Variants in MEI4 observed in about 807,000 individuals in gnomAD.
The protein encoded by MEI4 is meiotic double-stranded break formation protein 4.
MEI4 carries 27 observed loss-of-function variants against 31.4 expected under a neutral mutation model. The observed-to-expected ratio is 0.86, with a 90% CI of 0.63 to 1.19. The LOEUF is 1.19. Among genes scored for constraint, MEI4 ranks in the 50% most tolerant of loss-of-function variants. MEI4 has a pLI of 0.00. For synonymous variants in MEI4, 122 were observed against 145.4 expected (o/e 0.84, Z 1.16); for missense variants, 329 against 398.9 (o/e 0.82, Z 1.49).
chr6:77,870,870 T>G (rs989070012), intron 4 of MEI4, among the ~76,000 whole-genome samples: 3 of 152,228 alleles, frequency 2.0e-5, no homozygotes, highest in Admixed American at 1.3e-4. Context: ...ACTTCTCCCT[T>G]TTAAAATGAC....
intron 2 of MEI4, among the ~76,000 whole-genome samples, chr6:77,743,676 C>A (rs894948633): frequency 6.6e-6 from 1 of 150,926 alleles, no homozygotes; most frequent in Non-Finnish European, 1.5e-5. Flanking sequence ...CAAGTGGGTC[C>A]CTGACCCCTG....
intron 4 of MEI4, among the ~76,000 whole-genome samples, chr6:77,835,373 A>ACACACACACACACAC (rs1770189280): frequency 5.9e-4 from 57 of 96,802 alleles, no homozygotes; most frequent in African/African-American, 1.8e-3. Flanking sequence ...AACAAAACAA[A>ACACACACACACACAC]ACACACACAC....
chr6:77,672,606 C>T (rs1768766509), intron 1 of MEI4, among the ~76,000 whole-genome samples: 3 of 152,184 alleles, frequency 2.0e-5, no homozygotes, highest in East Asian at 1.9e-4. Context: ...GTGTCTCAGT[C>T]TCCACTCATT....
At chr6:77,882,599 G>A (rs543991566) in intron 4 of MEI4, among the ~76,000 whole-genome samples, 27 of 152,156 alleles carry the variant, frequency 1.8e-4, no homozygotes, top group African/African-American at 6.5e-4. Context: ...GCTCTGATGT[G>A]CGTTGAGAGG....
At chr6:77,850,215 G>A (rs917680905) in intron 4 of MEI4, among the ~76,000 whole-genome samples, 10 of 152,230 alleles carry the variant, frequency 6.6e-5, no homozygotes, top group Admixed American at 3.9e-4. Context: ...ACTGCCCAAG[G>A]TAATTTATAG....
intron 3 of MEI4, among the ~76,000 whole-genome samples, chr6:77,797,518 A>G (rs1271415397): frequency 6.6e-6 from 1 of 152,150 alleles, no homozygotes; most frequent in Non-Finnish European, 1.5e-5. Context: ...GTAGTGACTC[A>G]GTGTGAGTCT....
At chr6:77,726,906 A>G (rs1246834700) in intron 2 of MEI4, among the ~76,000 whole-genome samples, 2 of 151,802 alleles carry the variant, frequency 1.3e-5, no homozygotes, top group Non-Finnish European at 2.9e-5. Context: ...AGATTTTGAA[A>G]TTGGTGCTTT....
At chr6:77,922,105 G>A (rs908763123) in intron 4 of MEI4, among the ~76,000 whole-genome samples, 1 of 151,570 alleles carries the variant, frequency 6.6e-6, no homozygotes, top group Non-Finnish European at 1.5e-5. Context: ...AATGAGGTAT[G>A]CCTGTATATA....
chr6:77,737,246 C>T (rs1767273465), intron 2 of MEI4, among the ~76,000 whole-genome samples: 1 of 152,106 alleles, frequency 6.6e-6, no homozygotes, highest in Admixed American at 6.5e-5. Context: ...ATGGATAAGG[C>T]TATTTAGACA....
At chr6:77,727,383 G>A (rs1208964556) in intron 2 of MEI4, among the ~76,000 whole-genome samples, 2 of 152,128 alleles carry the variant, frequency 1.3e-5, no homozygotes, top group Admixed American at 1.3e-4. Flanking sequence ...ATGTATCCTA[G>A]GACTATGAGA....
intron 4 of MEI4, among the ~76,000 whole-genome samples, chr6:77,916,578 A>T (rs913127914): frequency 2.0e-5 from 3 of 151,974 alleles, no homozygotes; most frequent in Non-Finnish European, 4.4e-5. Context: ...CCATGGCTTT[A>T]CCTACTAATT....
chr6:77,795,457 C>T lies in MEI4; in HGVS notation c.769-33474C>T, dbSNP rs564586371. ...TGACCTAGCTTAAATCACACACACA[C>T]GTACACACACGCACATGACAATAGA... On this transcript the variant is annotated intron_variant, in intron 3 of 4. Coordinates refer to ENST00000684080, the MANE Select transcript of MEI4 (RefSeq NM_001322247.2). Among the ~76,000 whole-genome samples, 22 of 152,108 alleles carry T rather than the reference C, an allele frequency of 1.4e-4. 1 individual carries two copies. Among genetic ancestry groups the T allele is most frequent in the Admixed American group, 9.8e-4 (15 of 15,262 alleles).
chr6:77,876,754 C>T (rs1319535266), intron 4 of MEI4, among the ~76,000 whole-genome samples: 1 of 152,114 alleles, frequency 6.6e-6, no homozygotes, highest in South Asian at 2.1e-4. Flanking sequence ...TCTGCCAAAT[C>T]AATCTGTTTA....
At chr6:77,833,943 T>C (rs1770145102) in intron 4 of MEI4, among the ~76,000 whole-genome samples, 2 of 152,212 alleles carry the variant, frequency 1.3e-5, no homozygotes, top group African/African-American at 4.8e-5. Context: ...GATTCATCCA[T>C]GTCCCTGCAA....
At position 77,923,227 on chromosome 6, in the gene MEI4, C is replaced by A; in HGVS notation, c.1039C>A (p.Leu347Ile). 9 of 1,230,546 alleles carry A rather than the reference C, an allele frequency of 7.3e-6. No homozygotes were observed. The South Asian group carries it at 3.3e-4, about 45-fold the overall frequency. 76.2% of individuals were successfully genotyped at this position (1,230,546 alleles called of 1,614,324 possible). ...TGATGACCAAGAAATCAAGAAATTT[C>A]TTCAGAAGCATGATGAAACTATTTT... ...GHDDQEIKKF[L>I]QKHDETIFQL... The change falls in exon 5 of 5, where the codon CTT becomes ATT. Residue 347 changes from leucine to isoleucine, a missense_variant. Transcript: ENST00000684080.
At chr6:77,750,091 A>G (rs566202960) in intron 2 of MEI4, among the ~76,000 whole-genome samples, 1 of 152,196 alleles carries the variant, frequency 6.6e-6, no homozygotes, top group Non-Finnish European at 1.5e-5. Context: ...GTCATCACCA[A>G]GCCTGCCTTA....
chr6:77,804,610 CT>C (rs1295675354), intron 3 of MEI4, among the ~76,000 whole-genome samples: 1 of 152,134 alleles, frequency 6.6e-6, no homozygotes, highest in Non-Finnish European at 1.5e-5. Flanking sequence ...CTCCCCATCT[CT>C]TTTTTCTTTC....
intron 3 of MEI4, among the ~76,000 whole-genome samples, chr6:77,772,685 A>G (rs554463477): frequency 1.5e-4 from 23 of 152,076 alleles, no homozygotes; most frequent in Middle Eastern, 3.4e-3. Flanking sequence ...GCACTTCAAC[A>G]TAGTATTGGA....
intron 1 of MEI4, among the ~76,000 whole-genome samples, chr6:77,665,676 A>C (rs140132867): frequency 0.01 from 1,559 of 152,294 alleles, 26 homozygotes; most frequent in African/African-American, 0.035. Flanking sequence ...CTGCCTTCCC[A>C]GTCCGTGACC....
Sources: allele counts gnomAD v4.1 joint callset (sites outside exome capture counted in the v4.1 genomes callset), GRCh38; gene constraint gnomAD v4.1.1; transcripts MANE v1.5; gene names NCBI Gene and HGNC (gene_info 2026-07-23, HGNC 2026-07-21).